Variants in WDR1 observed in about 807,000 individuals in gnomAD.
The protein encoded by WDR1 is WD repeat domain 1.
A neutral mutation model predicts 71.9 loss-of-function variants in WDR1; 21 were observed. The ratio of observed to expected loss-of-function variants is 0.29; its 90% CI spans 0.21 to 0.42. WDR1 has a LOEUF of 0.42. Among genes scored for constraint, WDR1 ranks in the 10% least tolerant of loss-of-function variants. The pLI is 1.00. For missense variants in WDR1, 696 were observed against 824.5 expected (o/e 0.84, Z 1.91); for synonymous variants, 424 against 347.4 (o/e 1.22, Z -2.45).
chr4:10,084,120 T>C (rs1030133956), intron 9 of WDR1, among the ~76,000 whole-genome samples: 12 of 152,328 alleles, frequency 7.9e-5, no homozygotes, highest in African/African-American at 2.2e-4. Flanking sequence ...CCAGGTGCCA[T>C]TGGCAGAGGT....
Position 10,103,973 on chromosome 4 carries a change from G to C in WDR1, c.152C>G (p.Ala51Gly). 6.3e-7 allele frequency: 1 copy of C among 1,599,634 alleles called. No homozygotes were observed. The highest frequency in any genetic ancestry group is 8.5e-7 in the Non-Finnish European group (1 of 1,173,354). The stretch of plus-strand genomic sequence containing the variant: ...ATGGGCGTGCTCTGTGTAGATGTCA[G>C]CAAGGGCTGGGTTCTGCAGGAGGAG... ...ILRNIDNPAL[A>G]DIYTEHAHQV... Residue 51 changes from alanine (A) to glycine (G), a missense_variant, in exon 3 of 15, where the codon GCT becomes GGT. By Grantham distance (60) the Ala-to-Gly change is moderately conservative (BLOSUM62 0). Transcript: ENST00000499869.
At chr4:10,110,952 T>G (rs1713312578) in intron 2 of WDR1, among the ~76,000 whole-genome samples, 1 of 152,226 alleles carries the variant, frequency 6.6e-6, no homozygotes, top group Non-Finnish European at 1.5e-5. Flanking sequence ...CTCTGTGGCT[T>G]AGGGTATGGC....
chr4:10,116,340 G>A, intron 1 of WDR1, 106 bp from the exon 2 acceptor site: 3 of 1,490,982 alleles, frequency 2.0e-6, no homozygotes, highest in South Asian at 1.2e-5. Flanking sequence ...CCTGTTGACT[G>A]CGCCGGGAGG....
In WDR1 at chr4:10,084,539, G is replaced by A; in HGVS notation, c.952-9C>T. On this transcript the variant is annotated splice_polypyrimidine_tract_variant and intron_variant, in intron 8 of 14. Coordinates refer to ENST00000499869, the MANE Select transcript of WDR1 (RefSeq NM_017491.5). ...ATCGATTTACTGTGACCCTGTGAAGGAGACACACTGGGCGGGTAAGCTGAT... is the reference window on the plus strand; with the variant it reads ...ATCGATTTACTGTGACCCTGTGAAGAAGACACACTGGGCGGGTAAGCTGAT... The A allele has an allele frequency of 6.2e-7, 1 of 1,613,530 alleles. No homozygotes were observed. The highest frequency in any genetic ancestry group is 8.5e-7 in the Non-Finnish European group (1 of 1,179,568).
chr4:10,077,236 C>T (rs1578412739), intron 14 of WDR1, 68 bp downstream of exon 14: 2 of 1,596,450 alleles, frequency 1.3e-6, no homozygotes, highest in Non-Finnish European at 8.5e-7. Context: ...CAGGGGACAG[C>T]CTGTGAGGTG....
chr4:10,106,719 A>C (rs916559221), intron 2 of WDR1, among the ~76,000 whole-genome samples: 2 of 152,304 alleles, frequency 1.3e-5, no homozygotes, highest in African/African-American at 4.8e-5. Context: ...CAGCTGATGA[A>C]TCACTCACTC....
chr4:10,096,988 T>C (rs1265756637), intron 5 of WDR1, among the ~76,000 whole-genome samples: 1 of 152,220 alleles, frequency 6.6e-6, no homozygotes, highest in Non-Finnish European at 1.5e-5. Flanking sequence ...CCCTCACTCC[T>C]ACAAAGCTGG....
At chr4:10,104,197 G>A (rs561903043) in intron 2 of WDR1, among the ~76,000 whole-genome samples, 15 of 152,274 alleles carry the variant, frequency 9.9e-5, no homozygotes, top group African/African-American at 3.1e-4. Flanking sequence ...ACTTTAATTC[G>A]TTCTCCTTAG....
intron 2 of WDR1, among the ~76,000 whole-genome samples, chr4:10,114,800 C>T (rs1301598190): frequency 6.6e-6 from 1 of 152,198 alleles, no homozygotes; most frequent in Non-Finnish European, 1.5e-5. Context: ...TTAGCACCTT[C>T]AAAGCACATT....
Position 10,103,940 on chromosome 4 carries a change from A to C in WDR1, c.185T>G (p.Val62Gly). The C allele has an allele frequency of 6.2e-7, 1 of 1,603,182 alleles. No individual in the cohort carries two copies. Among genetic ancestry groups the C allele is most frequent in the Non-Finnish European group, 8.5e-7 (1 of 1,175,176 alleles). The change falls in exon 3 of 15, where the codon GTG becomes GGG. Residue 62 changes from valine (V) to glycine (G), a missense_variant. Coordinates refer to ENST00000499869, the MANE Select transcript of WDR1 (RefSeq NM_017491.5). ...DIYTEHAHQV[V>G]VAKYAPSGFY... ...TCCGCTGGGCGCATACTTGGCCACC[A>C]CCACCTGATGGGCGTGCTCTGTGTA...
chr4:10,097,540 G>A (rs1212250130), intron 5 of WDR1, among the ~76,000 whole-genome samples, 171 bp downstream of exon 5: 1 of 152,252 alleles, frequency 6.6e-6, no homozygotes, highest in Non-Finnish European at 1.5e-5. Context: ...GAGGACGAGT[G>A]CTGGGTGGGG....
At chr4:10,097,090 C>T (rs1201624125) in intron 5 of WDR1, among the ~76,000 whole-genome samples, 1 of 152,262 alleles carries the variant, frequency 6.6e-6, no homozygotes, top group Non-Finnish European at 1.5e-5. Context: ...GCTGCTGGCC[C>T]CGGCACACCC....
intron 5 of WDR1, among the ~76,000 whole-genome samples, chr4:10,090,474 G>T (rs557752109): frequency 9.9e-5 from 15 of 152,194 alleles, no homozygotes; most frequent in Non-Finnish European, 1.6e-4. Context: ...CTCGTAGAGA[G>T]GCCACTCCCC....
At chr4:10,094,630 C>T (rs1712213648) in intron 5 of WDR1, 1 of 152,204 alleles carries the variant, frequency 6.6e-6, no homozygotes. Context: ...CCAGGGTCTC[C>T]TTTCAGAACC....
chr4:10,087,990 G>C (rs772715952), intron 7 of WDR1, 50 bp from the exon 8 acceptor site: 54 of 1,488,814 alleles, frequency 3.6e-5, no homozygotes, highest in Admixed American at 6.4e-5. Context: ...ACAGACTGGA[G>C]AGAGACCCCA....
chr4:10,093,512 G>A (rs1712142249), intron 5 of WDR1, among the ~76,000 whole-genome samples: 1 of 152,252 alleles, frequency 6.6e-6, no homozygotes. Flanking sequence ...TTGGGCTGAG[G>A]GGCACGAAGG....
At chr4:10,091,681 C>T (rs1421817702) in intron 5 of WDR1, 1 of 152,336 alleles carries the variant, frequency 6.6e-6, no homozygotes, top group African/African-American at 2.4e-5. Flanking sequence ...TGCATCCCCC[C>T]TTCTGCTGTT....
Position 10,087,866 on chromosome 4 carries a change from G to C in WDR1, c.792C>G (p.Ser264Arg). Reference protein sequence around the residue: ...GDKTSKIWDVSVNSVVSTFPM... With the variant: ...GDKTSKIWDVRVNSVVSTFPM... The stretch of plus-strand genomic sequence containing the variant: ...GAAATGTGCTGACCACGGAGTTCAC[G>C]CTGACGTCCCAAATCTTGGAAGTTT... Residue 264 changes from serine to arginine, a missense_variant, in exon 8 of 15, where the codon AGC becomes AGG. Coordinates refer to ENST00000499869, the MANE Select transcript of WDR1 (RefSeq NM_017491.5). 1.3e-6 allele frequency: 2 copies of C among 1,569,484 alleles called. No individual in the cohort carries two copies. Among genetic ancestry groups the C allele is most frequent in the Non-Finnish European group, 1.7e-6 (2 of 1,156,302 alleles).
At chr4:10,112,034 G>A (rs749228186) in intron 2 of WDR1, among the ~76,000 whole-genome samples, 37 of 152,152 alleles carry the variant, frequency 2.4e-4, no homozygotes, top group Non-Finnish European at 4.3e-4. Context: ...CACACAAGAG[G>A]GCCTCTGTTG....
Sources: gnomAD v4.1 joint callset for allele counts (sites outside exome capture counted in the v4.1 genomes callset) on GRCh38, gnomAD v4.1.1 for gene constraint, MANE v1.5 for transcripts, NCBI Gene and HGNC (gene_info 2026-07-23, HGNC 2026-07-21) for gene names.